The following SPARCL1 variants were observed in gnomAD, a reference collection of about 807,000 sequenced individuals.
SPARCL1 encodes the protein SPARC like 1.
A neutral mutation model predicts 67.1 loss-of-function variants in SPARCL1; 52 were observed. That is an observed-to-expected ratio of 0.78 (90% confidence interval 0.62 to 0.98). The LOEUF is 0.98. SPARCL1 is among the 50% of genes least tolerant of loss of function. SPARCL1 has a pLI of 0.00. For missense variants in SPARCL1, 717 were observed against 782.4 expected (o/e 0.92, Z 1.00); for synonymous variants, 226 against 267.8 (o/e 0.84, Z 1.52).
At chr4:87,473,970 T>C (rs969714430) in intron 10 of SPARCL1, among the ~76,000 whole-genome samples, 167 bp from the exon 11 acceptor site, 1 of 152,220 alleles carries the variant, frequency 6.6e-6, no homozygotes, top group Non-Finnish European at 1.5e-5. Flanking sequence ...TACAAATATG[T>C]ATTTTTAGGC....
chr4:87,525,844 A>G (rs1459139043), intron 1 of SPARCL1, among the ~76,000 whole-genome samples: 10 of 152,188 alleles, frequency 6.6e-5, no homozygotes, highest in African/African-American at 1.2e-4. Context: ...TTTCATTGCT[A>G]TGACGACAGC....
At chr4:87,492,407 G>C (rs964515175) in intron 4 of SPARCL1, among the ~76,000 whole-genome samples, 11 of 142,990 alleles carry the variant, frequency 7.7e-5, no homozygotes, top group Non-Finnish European at 1.2e-4. Flanking sequence ...GAAGGAGTGA[G>C]ACTCCGTCTC....
rs753680362 is a variant in SPARCL1, at chr4:87,493,898, C to A, written c.902G>T (p.Gly301Val). Residue 301 changes from glycine to valine, a missense_variant, in exon 4 of 11, where the codon GGC becomes GTC. Physicochemically the swap from Gly to Val is moderately radical, Grantham distance 109. Transcript: ENST00000282470. The stretch of plus-strand genomic sequence containing the variant: ...TTTGTGGTTGCTGATAGCTTCTAGG[C>A]CAGTTTTACCCTCTTGACTCTGCCA... ...TEWQSQEGKT[G>V]LEAISNHKET... The A allele has an allele frequency of 6.2e-7, 1 of 1,613,996 alleles. No homozygotes were observed. The highest frequency in any genetic ancestry group is 8.5e-7 in the Non-Finnish European group (1 of 1,180,004).
At chr4:87,520,900 C>T (rs777942123) in intron 1 of SPARCL1, among the ~76,000 whole-genome samples, 11 of 152,308 alleles carry the variant, frequency 7.2e-5, no homozygotes, top group South Asian at 4.1e-4. Flanking sequence ...AGCTAAATAT[C>T]GCTCCTGAAA....
chr4:87,511,560 G>C (rs561039080), intron 1 of SPARCL1, among the ~76,000 whole-genome samples: 4 of 152,258 alleles, frequency 2.6e-5, no homozygotes, highest in African/African-American at 9.6e-5. Context: ...AGAACCCTGG[G>C]GAGTGAAGAT....
At chr4:87,475,091 A>T (rs1032690379) in intron 10 of SPARCL1, among the ~76,000 whole-genome samples, 1 of 152,256 alleles carries the variant, frequency 6.6e-6, no homozygotes, top group South Asian at 2.1e-4. Flanking sequence ...GAGTGCTCAA[A>T]TCTCTTTTAT....
In SPARCL1 at chr4:87,491,702, CA is replaced by C. The variant is rs1290331540; in HGVS notation, c.1219-13del. 1.2e-6 allele frequency: 2 copies of C among 1,603,768 alleles called. No individual in the cohort carries two copies. ...TCTGCTTTCTTGGCCTTTAGAATAA[CA>C]AGAGCAAAAGTTAAAATCTACTAAG... On this transcript the variant is annotated splice_polypyrimidine_tract_variant and intron_variant, in intron 4 of 10. Transcript: ENST00000282470.
At chr4:87,511,495 C>T (rs556545392) in intron 1 of SPARCL1, among the ~76,000 whole-genome samples, 1 of 152,246 alleles carries the variant, frequency 6.6e-6, no homozygotes, top group South Asian at 2.1e-4. Flanking sequence ...ACAGATGTAG[C>T]TTGCATGCTG....
chr4:87,514,878 A>C (rs1031036993), intron 1 of SPARCL1, among the ~76,000 whole-genome samples: 3 of 152,256 alleles, frequency 2.0e-5, no homozygotes, highest in African/African-American at 7.2e-5. Flanking sequence ...ATGCTTGCAA[A>C]GTACTTTGAA....
At chr4:87,478,263 TA>T (rs1723660028) in intron 10 of SPARCL1, among the ~76,000 whole-genome samples, 1 of 150,726 alleles carries the variant, frequency 6.6e-6, no homozygotes, top group African/African-American at 2.5e-5. Flanking sequence ...AATTGACAAA[TA>T]AAAATGGTAT....
rs538281873 is a variant in SPARCL1, at chr4:87,489,065, C to T, written c.1531+1208G>A. 3.5e-4 allele frequency among the ~76,000 whole-genome samples: 54 copies of T among 152,268 alleles called. 1 individual carries two copies. The South Asian group carries it at 0.011, about 31-fold the overall frequency. On this transcript the variant is annotated intron_variant, in intron 7 of 10. Transcript: ENST00000282470. ...ATCCACTGAGCTAGACCATTTGGCT[C>T]ACTGGCTTCAGCCACATTTCCAGGG...
intron 2 of SPARCL1, among the ~76,000 whole-genome samples, chr4:87,495,690 G>A (rs762227072): frequency 1.3e-5 from 2 of 152,176 alleles, no homozygotes; most frequent in Non-Finnish European, 2.9e-5. Context: ...TTGGGATGCC[G>A]AGGTGGGTGG....
At chr4:87,519,087 T>TC (rs888282426) in intron 1 of SPARCL1, among the ~76,000 whole-genome samples, 2 of 152,110 alleles carry the variant, frequency 1.3e-5, no homozygotes, top group Middle Eastern at 3.4e-3. Flanking sequence ...TTTTTTTTTT[T>TC]CTGAGATGGA....
In SPARCL1 at chr4:87,527,236, C is replaced by T. The variant is rs114544476; in HGVS notation, c.-12+1809G>A. Among the ~76,000 whole-genome samples the T allele has an allele frequency of 3.5e-3, 537 of 152,232 alleles. 4 individuals carry two copies. The highest frequency in any genetic ancestry group is 6.8e-3 in the Middle Eastern group (2 of 294). ...TTGGCAGAAGATGCCCTGTGAGCCC[C>T]GTAAGAAACAGACCCTGGCCTGGTT... On this transcript the variant is annotated intron_variant, in intron 1 of 10. Transcript: ENST00000282470.
intron 8 of SPARCL1, among the ~76,000 whole-genome samples, chr4:87,480,821 T>A (rs57203746): frequency 6.3e-5 from 5 of 79,206 alleles, no homozygotes; most frequent in African/African-American, 5.6e-4. Context: ...TGTTCGCTGC[T>A]TTTTTTTTTT....
intron 1 of SPARCL1, among the ~76,000 whole-genome samples, chr4:87,519,074 C>CTTT (rs575830674): frequency 1.4e-5 from 2 of 145,660 alleles, no homozygotes; most frequent in Non-Finnish European, 1.5e-5. Flanking sequence ...AAGTCCCTAT[C>CTTT]TTTTTTTTTT....
Position 87,493,886 on chromosome 4 carries a change from A to T in SPARCL1, c.914T>A (p.Ile305Asn). The T allele has an allele frequency of 6.2e-7, 1 of 1,614,134 alleles. No homozygotes were observed. Among genetic ancestry groups the T allele is most frequent in the Non-Finnish European group, 8.5e-7 (1 of 1,180,018 alleles). The change falls in exon 4 of 11, where the codon ATC (isoleucine) becomes AAC (asparagine). Residue 305 changes from isoleucine to asparagine, a missense_variant. Transcript: ENST00000282470. ...TTCTTCTGTCTCTTTGTGGTTGCTG[A>T]TAGCTTCTAGGCCAGTTTTACCCTC... ...SQEGKTGLEA[I>N]SNHKETEEKT...
intron 1 of SPARCL1, among the ~76,000 whole-genome samples, chr4:87,508,780 A>G (rs1475363688): frequency 2.6e-5 from 3 of 113,984 alleles, no homozygotes; most frequent in Non-Finnish European, 5.1e-5. Flanking sequence ...TGGATGAAAC[A>G]TATGTGTGTG....
chr4:87,506,454 A>G (rs1725075400), intron 1 of SPARCL1, among the ~76,000 whole-genome samples: 1 of 152,220 alleles, frequency 6.6e-6, no homozygotes, highest in Non-Finnish European at 1.5e-5. Context: ...GCTCTACCCA[A>G]TGTGAGTGGG....
Sources: gnomAD v4.1 joint callset for allele counts (sites outside exome capture counted in the v4.1 genomes callset) on GRCh38, gnomAD v4.1.1 for gene constraint, MANE v1.5 for transcripts, NCBI Gene and HGNC (gene_info 2026-07-23, HGNC 2026-07-21) for gene names.